Variants in SGK3 observed in about 807,000 individuals in gnomAD.
The protein encoded by SGK3 is serum/glucocorticoid regulated kinase family member 3.
Under a neutral mutation model 68.5 loss-of-function variants are expected in SGK3, and 47 were observed. The ratio of observed to expected loss-of-function variants is 0.69; its 90% CI spans 0.54 to 0.87. The LOEUF (loss-of-function observed/expected upper bound fraction) is 0.87, where lower values mean the gene tolerates loss of function less well. Among genes scored for constraint, SGK3 ranks in the 40% least tolerant of loss-of-function variants. The probability of loss-of-function intolerance (pLI) is 0.00; values close to 1 mark genes in which losing one functional copy is unlikely to be tolerated. For missense variants in SGK3, 479 were observed against 575.5 expected (o/e 0.83, Z 1.72); for synonymous variants, 181 against 189.1 (o/e 0.96, Z 0.35).
chr8:66,769,097 C>T (rs1345998910), intron 1 of SGK3, among the ~76,000 whole-genome samples: 1 of 152,142 alleles, frequency 6.6e-6, no homozygotes, highest in Non-Finnish European at 1.5e-5. Flanking sequence ...AATATGTCAG[C>T]CATGATTTCT....
chr8:66,840,357 A>C, intron 12 of SGK3, 110 bp downstream of exon 12: 1 of 1,099,592 alleles, frequency 9.1e-7, no homozygotes, highest in Non-Finnish European at 1.3e-6. Context: ...TATTTATATA[A>C]CATTCTCAAA....
chr8:66,775,905 A>G (rs1464839635), intron 1 of SGK3, among the ~76,000 whole-genome samples: 3 of 151,818 alleles, frequency 2.0e-5, no homozygotes, highest in Non-Finnish European at 2.9e-5. Context: ...CAATTTGCCT[A>G]ACTTTTCTAT....
intron 14 of SGK3, among the ~76,000 whole-genome samples, chr8:66,844,315 T>C (rs1017360921): frequency 2.6e-5 from 4 of 152,204 alleles, no homozygotes; most frequent in African/African-American, 7.2e-5. Flanking sequence ...GCTTTTCCCA[T>C]GATTGGAGAT....
intron 3 of SGK3, among the ~76,000 whole-genome samples, chr8:66,799,102 A>G (rs1488069292): frequency 6.6e-6 from 1 of 152,246 alleles, no homozygotes; most frequent in Non-Finnish European, 1.5e-5. Flanking sequence ...TCTGACAGCT[A>G]CCTAGGTGGT....
chr8:66,721,130 C>T (rs1804783057), intron 1 of SGK3, among the ~76,000 whole-genome samples: 1 of 152,184 alleles, frequency 6.6e-6, no homozygotes, highest in Admixed American at 6.5e-5. Context: ...GTCAGTAACA[C>T]TTGACTTAGT....
chr8:66,818,320 A>G (rs975660506), intron 5 of SGK3, among the ~76,000 whole-genome samples: 2 of 152,232 alleles, frequency 1.3e-5, no homozygotes, highest in Non-Finnish European at 2.9e-5. Flanking sequence ...ATGGTTCACA[A>G]AGAAGGACAC....
chr8:66,793,184 C>T (rs879319305), intron 1 of SGK3, among the ~76,000 whole-genome samples: 1 of 152,052 alleles, frequency 6.6e-6, no homozygotes, highest in Admixed American at 6.6e-5. Context: ...CCGGGATGTA[C>T]GAATTATTTC....
chr8:66,796,321 ATTTTTTT>A (rs71249408), intron 2 of SGK3, among the ~76,000 whole-genome samples: 704 of 41,354 alleles, frequency 0.017, 5 homozygotes, highest in African/African-American at 0.037. Flanking sequence ...TATTTTTTGT[ATTTTTTT>A]TTTTTTTTTT....
chr8:66,748,498 G>C lies in SGK3; in HGVS notation c.-122+35665G>C, dbSNP rs542546527. On this transcript the variant is annotated intron_variant, in intron 1 of 16. Coordinates refer to ENST00000521198, the MANE Select transcript of SGK3 (RefSeq NM_001033578.3). Reference sequence around the variant, plus strand: ...ATAGATTTTTCCTTCTTATGTTAATGCACTATTAATATGCTGGGCTCATCC... The same window carrying C: ...ATAGATTTTTCCTTCTTATGTTAATCCACTATTAATATGCTGGGCTCATCC... 2.6e-4 allele frequency among the ~76,000 whole-genome samples: 39 copies of C among 152,218 alleles called. No homozygotes were observed. In the South Asian group the frequency reaches 3.1e-3, roughly 12 times the overall value.
chr8:66,835,307 G>A (rs1245056063), intron 8 of SGK3, among the ~76,000 whole-genome samples: 1 of 152,084 alleles, frequency 6.6e-6, no homozygotes, highest in African/African-American at 2.4e-5. Flanking sequence ...AGAAATCCAT[G>A]GCACTTTTTC....
intron 1 of SGK3, among the ~76,000 whole-genome samples, chr8:66,772,560 ATTT>A (rs1251463218): frequency 2.4e-5 from 3 of 124,146 alleles, no homozygotes; most frequent in Non-Finnish European, 1.7e-5. Context: ...ACACCTGGCT[ATTT>A]TTTTTTTTTT....
chr8:66,837,524 T>C (rs1809585852), intron 10 of SGK3, among the ~76,000 whole-genome samples: 1 of 152,188 alleles, frequency 6.6e-6, no homozygotes, highest in Admixed American at 6.5e-5. Context: ...TCAACACCTA[T>C]GATCCCAGCA....
At chr8:66,770,530 AT>A (rs1806474417) in intron 1 of SGK3, among the ~76,000 whole-genome samples, 1 of 152,026 alleles carries the variant, frequency 6.6e-6, no homozygotes. Context: ...AGCAGTATTT[AT>A]TCTAGGGCTA....
intron 6 of SGK3, among the ~76,000 whole-genome samples, chr8:66,823,138 T>C (rs1377389233): frequency 1.3e-5 from 2 of 152,212 alleles, no homozygotes; most frequent in Non-Finnish European, 2.9e-5. Context: ...ATGCAGTGTA[T>C]ACAGTTTTAT....
chr8:66,816,051 A>C (rs1293565104), intron 5 of SGK3, among the ~76,000 whole-genome samples: 2 of 151,890 alleles, frequency 1.3e-5, no homozygotes, highest in Non-Finnish European at 2.9e-5. Context: ...CCAGGCTGGA[A>C]TGCAGTGGTG....
rs1809784316 is a variant in SGK3, at chr8:66,841,180, A to G, written c.978+70A>G. 7 of 1,215,760 alleles carry G rather than the reference A, an allele frequency of 5.8e-6. No individual in the cohort carries two copies. In the Admixed American group the frequency reaches 8.7e-5, roughly 15 times the overall value. The allele number at this position is 1,215,760 out of a possible 1,614,324, so 75.3% of individuals were successfully genotyped here. ...TGCAAATATGAATTACAGATTGCAT[A>G]TATAAATTTAAAATAAGAAAAGTAG... On this transcript the variant is annotated intron_variant, in intron 13 of 16. Transcript: ENST00000521198.
At chr8:66,739,991 G>T (rs187066127) in intron 1 of SGK3, among the ~76,000 whole-genome samples, 1 of 152,170 alleles carries the variant, frequency 6.6e-6, no homozygotes, top group South Asian at 2.1e-4. Flanking sequence ...GGGATTATGG[G>T]AACTACAATT....
At chr8:66,848,656 ATGTT>A (rs1230881457) in intron 15 of SGK3, among the ~76,000 whole-genome samples, 4 of 152,228 alleles carry the variant, frequency 2.6e-5, no homozygotes, top group East Asian at 1.9e-4. Context: ...AACCCTGTCC[ATGTT>A]TGTTTGTTTT....
At chr8:66,727,874 C>G (rs1805027947) in intron 1 of SGK3, among the ~76,000 whole-genome samples, 2 of 152,102 alleles carry the variant, frequency 1.3e-5, no homozygotes, top group African/African-American at 2.4e-5. Flanking sequence ...TGAGAAAATT[C>G]AAATGACTGG....
Sources: allele counts gnomAD v4.1 joint callset (sites outside exome capture counted in the v4.1 genomes callset), GRCh38; gene constraint gnomAD v4.1.1; transcripts MANE v1.5; gene names NCBI Gene and HGNC (gene_info 2026-07-23, HGNC 2026-07-21).